Variants in WWOX observed in about 807,000 individuals in gnomAD.
WWOX encodes the protein WW domain containing oxidoreductase.
In WWOX, 69 loss-of-function variants were observed where a neutral mutation model predicts 46.2. The observed-to-expected ratio is 1.49, with a 90% CI of 1.23 to 1.82. The LOEUF (loss-of-function observed/expected upper bound fraction) is 1.82. WWOX is among the 40% of genes most tolerant of loss of function. The pLI is 0.00. For missense variants in WWOX, 919 were observed against 542.6 expected, an observed-to-expected ratio of 1.69 and a Z score of -6.89; for synonymous variants, 359 against 202.6, an observed-to-expected ratio of 1.77 and a Z score of -6.56.
intron 8 of WWOX, among the ~76,000 whole-genome samples, chr16:79,082,270 A>T (rs2048774558): frequency 6.6e-6 from 1 of 152,208 alleles, no homozygotes; most frequent in African/African-American, 2.4e-5. Flanking sequence ...AACAGGAAAG[A>T]GTCAGATGGA....
At chr16:78,397,689 TAGAA>T (rs2082319731) in intron 6 of WWOX, among the ~76,000 whole-genome samples, 1 of 152,202 alleles carries the variant, frequency 6.6e-6, no homozygotes, top group African/African-American at 2.4e-5. Context: ...GTGGGACAAT[TAGAA>T]AGGTCAGTTC....
chr16:78,570,262 G>A (rs140901261), intron 8 of WWOX, among the ~76,000 whole-genome samples: 2,734 of 152,234 alleles, frequency 0.018, 47 homozygotes, highest in Admixed American at 0.042. Flanking sequence ...ATAAAAACTT[G>A]CGTATAAATG....
intron 8 of WWOX, among the ~76,000 whole-genome samples, chr16:78,957,527 G>A (rs2046191825): frequency 6.6e-6 from 1 of 152,162 alleles, no homozygotes; most frequent in Non-Finnish European, 1.5e-5. Context: ...AACTGAGAAT[G>A]TCTACTGCTG....
intron 8 of WWOX, among the ~76,000 whole-genome samples, chr16:78,738,045 A>C (rs914832050): frequency 3.9e-5 from 6 of 152,194 alleles, no homozygotes; most frequent in Non-Finnish European, 7.3e-5. Context: ...GCCATAAGCA[A>C]GTCAAGGTGG....
chr16:78,871,741 A>C (rs1427704300), intron 8 of WWOX, among the ~76,000 whole-genome samples: 2 of 152,176 alleles, frequency 1.3e-5, no homozygotes, highest in East Asian at 3.9e-4. Context: ...CTGGGACTAC[A>C]GGCAGGCACC....
At chr16:79,172,680 G>A (rs778509620) in intron 8 of WWOX, among the ~76,000 whole-genome samples, 1 of 152,054 alleles carries the variant, frequency 6.6e-6, no homozygotes, top group Non-Finnish European at 1.5e-5. Flanking sequence ...TTGTGTGCAC[G>A]CGCACGTATG....
intron 8 of WWOX, among the ~76,000 whole-genome samples, chr16:78,557,393 T>C (rs2044324362): frequency 6.6e-6 from 1 of 152,174 alleles, no homozygotes. Flanking sequence ...AGCCCTCAAT[T>C]GTCACATTCA....
At chr16:78,387,848 A>G (rs887687467) in intron 6 of WWOX, among the ~76,000 whole-genome samples, 5 of 152,056 alleles carry the variant, frequency 3.3e-5, no homozygotes, top group African/African-American at 1.2e-4. Context: ...TGTGCGAAGG[A>G]TAAGATAATT....
chr16:78,495,741 T>G (rs544068337), intron 8 of WWOX, among the ~76,000 whole-genome samples: 1 of 151,886 alleles, frequency 6.6e-6, no homozygotes, highest in African/African-American at 2.4e-5. Flanking sequence ...ACTCCTGACC[T>G]CAAATGATTC....
At chr16:78,300,559 C>T (rs948160645) in intron 5 of WWOX, among the ~76,000 whole-genome samples, 3 of 151,940 alleles carry the variant, frequency 2.0e-5, no homozygotes, top group Admixed American at 1.3e-4. Flanking sequence ...TCTCTCCCTC[C>T]CTTCCCTCTC....
At chr16:78,255,419 G>T (rs2038101014) in intron 5 of WWOX, among the ~76,000 whole-genome samples, 1 of 152,202 alleles carries the variant, frequency 6.6e-6, no homozygotes, top group African/African-American at 2.4e-5. Flanking sequence ...AATTCCGCTG[G>T]ATAAATTAGC....
intron 5 of WWOX, among the ~76,000 whole-genome samples, chr16:78,351,403 T>G (rs1024878403): frequency 2.0e-5 from 3 of 152,204 alleles, no homozygotes; most frequent in Admixed American, 1.3e-4. Flanking sequence ...CTGCATTGGT[T>G]TAGCCAGAAC....
chr16:78,752,071 A>C (rs2049496404), intron 8 of WWOX, among the ~76,000 whole-genome samples: 1 of 152,220 alleles, frequency 6.6e-6, no homozygotes, highest in Non-Finnish European at 1.5e-5. Context: ...ATAAATTCTA[A>C]CATTGGTAAA....
chr16:78,304,812 A>T (rs1218294729), intron 5 of WWOX, among the ~76,000 whole-genome samples: 1 of 152,198 alleles, frequency 6.6e-6, no homozygotes, highest in Non-Finnish European at 1.5e-5. Context: ...TAGAAGAGGA[A>T]TTCTGTACAA....
At position 78,919,250 on chromosome 16, in the gene WWOX, A is replaced by AC. The variant is rs537005009; in HGVS notation, c.1057-292351dup. Among the ~76,000 whole-genome samples, 22 of 151,768 alleles carry AC rather than the reference A, an allele frequency of 1.4e-4. No homozygotes were observed. The East Asian group carries it at 2.9e-3, about 20-fold the overall frequency. On this transcript the variant is annotated intron_variant, in intron 8 of 8. Transcript: ENST00000566780. ...CTTAACAGTTCTTTCTGGCAGAGAC[A>AC]CCCCCCCACTCTTAGCCCACTTTTA...
intron 8 of WWOX, among the ~76,000 whole-genome samples, chr16:78,451,752 G>A (rs1242946583): frequency 3.9e-5 from 6 of 152,128 alleles, no homozygotes; most frequent in Admixed American, 3.9e-4. Context: ...ACATCTTACT[G>A]GTTTCTGAGG....
chr16:79,066,055 G>T (rs1405178995), intron 8 of WWOX, among the ~76,000 whole-genome samples: 2 of 152,196 alleles, frequency 1.3e-5, no homozygotes, highest in East Asian at 1.9e-4. Flanking sequence ...TGGAGCCTTT[G>T]ATAATCGCAG....
At chr16:78,271,423 C>T (rs533535478) in intron 5 of WWOX, among the ~76,000 whole-genome samples, 2 of 152,204 alleles carry the variant, frequency 1.3e-5, no homozygotes, top group African/African-American at 4.8e-5. Context: ...GCGTGCTTAC[C>T]TGCATCACCT....
intron 8 of WWOX, among the ~76,000 whole-genome samples, chr16:78,624,994 C>A (rs1267072953): frequency 6.6e-6 from 1 of 152,150 alleles, no homozygotes; most frequent in East Asian, 1.9e-4. Flanking sequence ...CCCGCTGACC[C>A]TGAGTTCTGC....
Sources: allele counts gnomAD v4.1 joint callset (sites outside exome capture counted in the v4.1 genomes callset), GRCh38; gene constraint gnomAD v4.1.1; transcripts MANE v1.5; gene names NCBI Gene and HGNC (gene_info 2026-07-23, HGNC 2026-07-21).